The following EMC10 variants were observed in gnomAD, a reference collection of about 807,000 sequenced individuals.
EMC10 encodes UPF0510 protein INM02.
EMC10 carries 40 observed loss-of-function variants against 32.2 expected under a neutral mutation model. The observed-to-expected ratio is 1.24, with a 90% CI of 0.96 to 1.61. The LOEUF (loss-of-function observed/expected upper bound fraction) is 1.61. Ranked by LOEUF, EMC10 falls within the 40% of genes most tolerant of loss-of-function variation. EMC10 has a pLI of 0.00. For missense variants in EMC10, 402 were observed against 357.7 expected (o/e 1.12, Z -1.00); for synonymous variants, 178 against 158.4 (o/e 1.12, Z -0.93).
At chr19:50,478,702 C>T (rs2040269458) in intron 2 of EMC10, among the ~76,000 whole-genome samples, 1 of 152,070 alleles carries the variant, frequency 6.6e-6, no homozygotes, top group Non-Finnish European at 1.5e-5. Flanking sequence ...TGTGGCTATC[C>T]CTGGGTCACC....
chr19:50,479,743 T>C (rs1446660388), intron 3 of EMC10, among the ~76,000 whole-genome samples: 1 of 152,214 alleles, frequency 6.6e-6, no homozygotes, highest in Non-Finnish European at 1.5e-5. Context: ...TTGTCACAGC[T>C]GTCCCCAAAC....
In EMC10 at chr19:50,489,331, AAAG is replaced by A. The variant is rs1035064146; in HGVS notation, c.*7077_*7079del. ...GTGAGCGAGAAAAAAAGCAGAAAGG[AAAG>A]AAGAGGTGCATGAGTGTGGAAGAGC... On this transcript the variant is annotated 3_prime_UTR_variant, in exon 7 of 7. Coordinates refer to ENST00000334976, the MANE Select transcript of EMC10 (RefSeq NM_206538.4). 6 of 152,436 alleles carry A rather than the reference AAAG, an allele frequency of 3.9e-5. No individual in the cohort carries two copies. Among genetic ancestry groups the A allele is most frequent in the Non-Finnish European group, 7.3e-5 (5 of 68,240 alleles). The allele number at this position is 152,436 out of a possible 1,614,324, so 9.4% of individuals were successfully genotyped here. A position where few individuals can be genotyped will look rare whatever the true frequency, so the allele number is the denominator to read the frequency against.
chr19:50,483,026 C>A lies in EMC10; in HGVS notation c.*767C>A, dbSNP rs1055884723. The A allele has an allele frequency of 1.1e-5, 6 of 560,200 alleles. No homozygotes were observed. Among genetic ancestry groups the A allele is most frequent in the East Asian group, 4.2e-5 (1 of 24,042 alleles). The allele number at this position is 560,200 out of a possible 1,614,324, so 34.7% of individuals were successfully genotyped here. ...GTAAATAGAACCCCCTCCACCACCC[C>A]CCGCCGCCCAGCATCCTACCTGGAC... On this transcript the variant is annotated 3_prime_UTR_variant, in exon 7 of 7. Transcript: ENST00000334976.
At chr19:50,481,970 C>T (rs565157038) in intron 6 of EMC10, 179 bp from the exon 7 acceptor site, 3 of 1,607,214 alleles carry the variant, frequency 1.9e-6, no homozygotes, top group Middle Eastern at 1.7e-4. Context: ...ACCCCTGCCC[C>T]TCCCTGCGCC....
In EMC10 at chr19:50,477,951, G is replaced by T. The variant is rs878953735; in HGVS notation, c.137G>T (p.Gly46Val). The T allele has an allele frequency of 6.3e-7, 1 of 1,599,614 alleles. No homozygotes were observed. The highest frequency in any genetic ancestry group is 1.1e-5 in the South Asian group (1 of 88,952). The change falls in exon 2 of 7, where the codon GGC becomes GTC. Residue 46 changes from glycine (G) to valine (V), a missense_variant. Gly to Val is a moderately radical substitution (Grantham distance 109). Coordinates refer to ENST00000334976, the MANE Select transcript of EMC10 (RefSeq NM_206538.4). ...ARGAGAEGRE[G>V]EACGTVGLLL... ...CAGGCTGGGGCGGAAGGTCGAGAGG[G>T]CGAGGCCTGTGGCACGGTGGGGCTG...
chr19:50,480,872 C>G lies in EMC10; in HGVS notation c.585-12C>G. ...CGGGCCTCACCCTTCTCCTCCTCTC[C>G]CCTTGCCCCAGCCCTGAGACGGCGG... On this transcript the variant is annotated splice_polypyrimidine_tract_variant and intron_variant, in intron 5 of 6. Transcript: ENST00000334976. This position sits in a 1 kb window ranked among gnomAD's most constrained non-coding sequence, Gnocchi z 4.4. The G allele has an allele frequency of 6.3e-7, 1 of 1,596,294 alleles. No individual in the cohort carries two copies. The highest frequency in any genetic ancestry group is 8.6e-7 in the Non-Finnish European group (1 of 1,168,496).
rs1474687219 is a variant in EMC10 at position 50,485,310 on chromosome 19, C to G, written c.*3051C>G. ...ACCCTGGAGGTTCCAGACAGCCCCT[C>G]TTCACCAGCGATTCCCCAACTCATC... On this transcript the variant is annotated 3_prime_UTR_variant, in exon 7 of 7. Transcript: ENST00000334976. 1 of 152,268 alleles carries G rather than the reference C, an allele frequency of 6.6e-6. No homozygotes were observed. Among genetic ancestry groups the G allele is most frequent in the Non-Finnish European group, 1.5e-5 (1 of 68,112 alleles). 9.4% of individuals were successfully genotyped at this position (152,268 alleles called of 1,614,324 possible).
rs1010845185 is a variant in EMC10 at position 50,481,122 on chromosome 19, G to A, written c.678+145G>A. On this transcript the variant is annotated intron_variant, in intron 6 of 6. Transcript: ENST00000334976. ...GCCTCCTGTGTGTCCTGGTACCTGG[G>A]CTGAGGCTTGTTTGCAGGAAGAGGG... The A allele has an allele frequency of 1.7e-5, 11 of 639,458 alleles. No individual in the cohort carries two copies. In the East Asian group the frequency reaches 2.3e-4, roughly 13 times the overall value. The allele number at this position is 639,458 out of a possible 1,614,324, so 39.6% of individuals were successfully genotyped here. A position where few individuals can be genotyped will look rare whatever the true frequency, so the allele number is the denominator to read the frequency against.
At chr19:50,476,738 G>C in intron 1 of EMC10, 80 bp downstream of exon 1, 1 of 894,538 alleles carries the variant, frequency 1.1e-6, no homozygotes, top group Non-Finnish European at 1.6e-6. Context: ...GTTACAGACG[G>C]AAGGAGGCTG....
In EMC10 at chr19:50,490,428, A is replaced by C. The variant is rs553508628; in HGVS notation, c.*8169A>C. 1.3e-5 allele frequency: 2 copies of C among 152,120 alleles called. No individual in the cohort carries two copies. Among genetic ancestry groups the C allele is most frequent in the Admixed American group, 6.6e-5 (1 of 15,244 alleles). The allele number at this position is 152,120 out of a possible 1,614,324, so 9.4% of individuals were successfully genotyped here. ...CGTGGCCGGCCCTTAAAAGCATCAA[A>C]CTACATACAAGACCGTAAGGAAGCT... On this transcript the variant is annotated 3_prime_UTR_variant, in exon 7 of 7. Coordinates refer to ENST00000334976, the MANE Select transcript of EMC10 (RefSeq NM_206538.4).
chr19:50,481,901 T>C lies in EMC10; in HGVS notation c.679-248T>C, dbSNP rs1371994488. ...GGGGGGGCCGTGTTGCTCACAGCCC[T>C]GCGTCCTGCTGCGCCAGGGCCCGCG... On this transcript the variant is annotated intron_variant, in intron 6 of 6. Transcript: ENST00000334976. The C allele has an allele frequency of 8.7e-6, 14 of 1,601,644 alleles. No homozygotes were observed. In the East Asian group the frequency reaches 3.1e-4, roughly 36 times the overall value.
intron 6 of EMC10, chr19:50,481,851 C>T (rs1186862151): frequency 1.3e-6 from 2 of 1,565,182 alleles, no homozygotes; most frequent in Non-Finnish European, 1.7e-6. Flanking sequence ...TGCGCTCCCT[C>T]CCTCCCCAGT....
Position 50,478,509 on chromosome 19 carries a change from A to G in EMC10, c.188-448A>G, listed in dbSNP as rs181423818. Among the ~76,000 whole-genome samples the G allele has an allele frequency of 2.2e-3, 335 of 152,296 alleles. 1 individual carries two copies. The highest frequency in any genetic ancestry group is 7.9e-3 in the African/African-American group (327 of 41,552). On this transcript the variant is annotated intron_variant, in intron 2 of 6. Coordinates refer to ENST00000334976, the MANE Select transcript of EMC10 (RefSeq NM_206538.4). ...TGGACGTCAGTGCTGCCCAGAGTGT[A>G]GTAATCGAGTCTGAGGCCCCGAACC... is the stretch of plus-strand genomic sequence containing the variant.
At chr19:50,476,784 G>A in intron 1 of EMC10, 126 bp downstream of exon 1, 1 of 641,390 alleles carries the variant, frequency 1.6e-6, no homozygotes, top group Non-Finnish European at 2.5e-6. Flanking sequence ...GAGATCCCTG[G>A]AAAGCCAGGC....
chr19:50,477,855 C>T, intron 1 of EMC10, 74 bp from the exon 2 acceptor site: 2 of 1,211,240 alleles, frequency 1.7e-6, no homozygotes, highest in South Asian at 2.8e-5. Context: ...GTCTGTCTGT[C>T]CTGGGTTCTG....
Position 50,477,984 on chromosome 19 carries a change from A to G in EMC10, c.170A>G (p.Glu57Gly). The G allele has an allele frequency of 1.2e-6, 2 of 1,603,348 alleles. No homozygotes were observed. The highest frequency in any genetic ancestry group is 1.7e-6 in the Non-Finnish European group (2 of 1,176,610). The change falls in exon 2 of 7, where the codon GAG becomes GGG. Residue 57 changes from glutamate (E) to glycine (G), a missense_variant. By Grantham distance (98) the Glu-to-Gly change is moderately conservative. Transcript: ENST00000334976. ...TGTGGCACGGTGGGGCTGCTGCTGG[A>G]GCACTCATTTGAGATCGGTGAGTCA... ...EACGTVGLLL[E>G]HSFEIDDSAN... is the part of the protein sequence containing the mutation.
In EMC10 at chr19:50,486,294, A is replaced by G. The variant is rs1978350265; in HGVS notation, c.*4035A>G. Reference sequence around the variant, plus strand: ...AACCTCCACCTCCCAGGTTCAAGCAATTCTCTTGCCTCAGCCTCCTGAGTA... The same window carrying G: ...AACCTCCACCTCCCAGGTTCAAGCAGTTCTCTTGCCTCAGCCTCCTGAGTA... On this transcript the variant is annotated 3_prime_UTR_variant, in exon 7 of 7. Transcript: ENST00000334976. 6.6e-6 allele frequency: 1 copy of G among 152,036 alleles called. No homozygotes were observed. The highest frequency in any genetic ancestry group is 2.4e-5 in the African/African-American group (1 of 41,382). The allele number at this position is 152,036 out of a possible 1,614,324, so 9.4% of individuals were successfully genotyped here.
In EMC10 at chr19:50,477,871, G is replaced by T. The variant is rs114475912; in HGVS notation, c.115-58G>T. ...TCTGTCTGTCCTGGGTTCTGTGGGT[G>T]ACTACTATGCTGAGGGCTTGGGTGG... On this transcript the variant is annotated intron_variant, in intron 1 of 6. Coordinates refer to ENST00000334976, the MANE Select transcript of EMC10 (RefSeq NM_206538.4). The T allele has an allele frequency of 5.3e-3, 7,377 of 1,397,518 alleles. 321 individuals carry two copies. The African/African-American group carries it at 0.095, about 18-fold the overall frequency. 86.6% of individuals were successfully genotyped at this position (1,397,518 alleles called of 1,614,324 possible). A position where few individuals can be genotyped will look rare whatever the true frequency, so the allele number is the denominator to read the frequency against.
chr19:50,488,591 G>T lies in EMC10; in HGVS notation c.*6332G>T, dbSNP rs1305107035. On this transcript the variant is annotated 3_prime_UTR_variant, in exon 7 of 7. Coordinates refer to ENST00000334976, the MANE Select transcript of EMC10 (RefSeq NM_206538.4). Reference sequence around the variant, plus strand: ...GGGGAGAAGAGGGTGGGGGAGAGGGGGCCCCGGGAGAGGGAGGGATGGAGG... The same window carrying T: ...GGGGAGAAGAGGGTGGGGGAGAGGGTGCCCCGGGAGAGGGAGGGATGGAGG... 1.4e-5 allele frequency: 2 copies of T among 145,690 alleles called. No homozygotes were observed. Among genetic ancestry groups the T allele is most frequent in the Non-Finnish European group, 3.0e-5 (2 of 66,164 alleles). The allele number at this position is 145,690 out of a possible 1,614,324, so 9.0% of individuals were successfully genotyped here. A position where few individuals can be genotyped will look rare whatever the true frequency, so the allele number is the denominator to read the frequency against.
Sources: gnomAD v4.1 joint callset for allele counts (sites outside exome capture counted in the v4.1 genomes callset) on GRCh38, gnomAD v4.1.1 for gene constraint, Gnocchi (gnomAD v3.1) non-coding constraint, MANE v1.5 for transcripts, NCBI Gene and HGNC (gene_info 2026-07-23, HGNC 2026-07-21) for gene names.